Variants in NDST4 observed in about 807,000 individuals in gnomAD.
NDST4 encodes the protein N-heparan sulfate sulfotransferase 4.
A neutral mutation model predicts 100.8 loss-of-function variants in NDST4; 63 were observed. The observed-to-expected ratio is 0.62, with a 90% CI of 0.51 to 0.77. The LOEUF (loss-of-function observed/expected upper bound fraction) is 0.77. Among genes scored for constraint, NDST4 ranks in the 30% least tolerant of loss-of-function variants. The pLI is 0.00. For synonymous variants in NDST4, 377 were observed against 361.8 expected (o/e 1.04, Z -0.48); for missense variants, 943 against 1,018.4 (o/e 0.93, Z 1.01).
chr4:114,933,327 A>AT (rs1284674696), intron 6 of NDST4, among the ~76,000 whole-genome samples: 4 of 152,052 alleles, frequency 2.6e-5, no homozygotes, highest in Non-Finnish European at 5.9e-5. Context: ...TCAACTCAAA[A>AT]TGGACTAAAG....
At chr4:115,097,088 A>G (rs1268943914) in intron 1 of NDST4, among the ~76,000 whole-genome samples, 3 of 151,892 alleles carry the variant, frequency 2.0e-5, no homozygotes, top group African/African-American at 4.8e-5. Context: ...CTTAATCCTT[A>G]CCTTCTAAAT....
At chr4:115,109,470 A>G (rs1261257794) in intron 1 of NDST4, among the ~76,000 whole-genome samples, 2 of 151,982 alleles carry the variant, frequency 1.3e-5, no homozygotes, top group Non-Finnish European at 2.9e-5. Context: ...TGCTTTCTTC[A>G]TTGAACTCTT....
At position 114,870,909 on chromosome 4, in the gene NDST4, G is replaced by T; in HGVS notation, c.1578C>A (p.Asp526Glu). The change falls in exon 7 of 14, where the codon GAC (aspartate) becomes GAA (glutamate). Residue 526 changes from aspartate to glutamate, a missense_variant. By Grantham distance (45) the Asp-to-Glu change is conservative. Transcript: ENST00000264363. ...TCACAAAGGTATATAACCCTAGGCG[G>T]TCATTTCCATAGTTTGATAAATGGG... The part of the protein sequence containing the change: ...FMTHLSNYGN[D>E]RLGLYTFVNL... 2.5e-6 allele frequency: 4 copies of T among 1,609,796 alleles called. No individual in the cohort carries two copies. The highest frequency in any genetic ancestry group is 3.4e-6 in the Non-Finnish European group (4 of 1,178,162).
At chr4:114,983,476 T>C (rs191826129) in intron 2 of NDST4, among the ~76,000 whole-genome samples, 2 of 152,318 alleles carry the variant, frequency 1.3e-5, no homozygotes. Context: ...GGTTTCAGAC[T>C]TGCACAGGGC....
rs759884571 is a variant in NDST4, at chr4:114,839,504, G to A, written c.2160C>T (p.Phe720=). The A allele has an allele frequency of 5.0e-6, 8 of 1,613,842 alleles. No homozygotes were observed. In the South Asian group the frequency reaches 7.7e-5, roughly 16 times the overall value. The change falls in exon 11 of 14, where the codon TTC becomes TTT. Residue 720 remains phenylalanine (F), a synonymous_variant. Coordinates refer to ENST00000264363, the MANE Select transcript of NDST4 (RefSeq NM_022569.3). ...HEDPAALRFN[F]YEVISTGHWA... is the part of the protein sequence containing the mutation. ...AATGTCCTGTTGAAATAACTTCATA[G>A]AAATTGAACCTCAGAGCAGCTGGAT...
chr4:114,835,261 T>C (rs1723284733), intron 11 of NDST4, among the ~76,000 whole-genome samples: 1 of 152,246 alleles, frequency 6.6e-6, no homozygotes, highest in African/African-American at 2.4e-5. Flanking sequence ...TTTAGTGGTA[T>C]AAATTTCTCT....
At position 115,027,373 on chromosome 4, in the gene NDST4, T is replaced by C. The variant is rs115930012; in HGVS notation, c.978+48686A>G. Among the ~76,000 whole-genome samples the C allele has an allele frequency of 3.6e-3, 542 of 152,290 alleles. 3 individuals are homozygous for C. Among genetic ancestry groups the C allele is most frequent in the African/African-American group, 0.013 (530 of 41,580 alleles). On this transcript the variant is annotated intron_variant, in intron 2 of 13. Transcript: ENST00000264363. ...TTTCTAGATTTCTGGGTGAGATCAT[T>C]GTATCTCAACACTTATGGAGTGTAT...
intron 1 of NDST4, among the ~76,000 whole-genome samples, chr4:115,083,645 G>T (rs1391577744): frequency 6.6e-6 from 1 of 152,096 alleles, no homozygotes; most frequent in Admixed American, 6.6e-5. Flanking sequence ...CCCATGTGTT[G>T]TAGGAGGGAC....
intron 6 of NDST4, among the ~76,000 whole-genome samples, chr4:114,912,056 C>T (rs1165253577): frequency 6.6e-6 from 1 of 152,138 alleles, no homozygotes; most frequent in African/African-American, 2.4e-5. Flanking sequence ...AGCTTTCTAA[C>T]ATCCAAAATG....
chr4:115,051,991 A>G (rs916939299), intron 2 of NDST4, among the ~76,000 whole-genome samples: 1 of 152,132 alleles, frequency 6.6e-6, no homozygotes, highest in Non-Finnish European at 1.5e-5. Context: ...AGGTAAGATG[A>G]TATATCATTG....
At chr4:115,015,574 A>G (rs1727658763) in intron 2 of NDST4, among the ~76,000 whole-genome samples, 1 of 152,100 alleles carries the variant, frequency 6.6e-6, no homozygotes, top group South Asian at 2.1e-4. Context: ...GTACGTGCAT[A>G]ATTCTGTCTT....
intron 7 of NDST4, among the ~76,000 whole-genome samples, chr4:114,864,967 A>T (rs1218301045): frequency 6.6e-6 from 1 of 152,194 alleles, no homozygotes; most frequent in Admixed American, 6.5e-5. Flanking sequence ...ATGTTTATTT[A>T]AGTAAGTTAA....
intron 4 of NDST4, among the ~76,000 whole-genome samples, chr4:114,949,721 T>G (rs1404588378): frequency 6.6e-6 from 1 of 152,100 alleles, no homozygotes; most frequent in Non-Finnish European, 1.5e-5. Context: ...TGCTTTCATC[T>G]GATTGGCCAG....
At chr4:114,891,242 C>T (rs893178051) in intron 6 of NDST4, among the ~76,000 whole-genome samples, 2 of 152,016 alleles carry the variant, frequency 1.3e-5, no homozygotes, top group African/African-American at 4.8e-5. Flanking sequence ...ATAACATTTT[C>T]CTTTTATTTT....
chr4:114,884,701 C>T (rs148709530), intron 6 of NDST4, among the ~76,000 whole-genome samples: 1,600 of 152,202 alleles, frequency 0.011, 15 homozygotes, highest in African/African-American at 0.017. Context: ...CATTTGAAAA[C>T]GCATTTTTTG....
At chr4:114,970,945 T>C (rs1008778860) in intron 3 of NDST4, among the ~76,000 whole-genome samples, 2 of 152,144 alleles carry the variant, frequency 1.3e-5, no homozygotes, top group African/African-American at 2.4e-5. Flanking sequence ...AAATTTTAAC[T>C]CATAACATTT....
intron 2 of NDST4, among the ~76,000 whole-genome samples, chr4:115,035,507 TA>T (rs1169935099): frequency 5.3e-5 from 8 of 151,952 alleles, no homozygotes; most frequent in East Asian, 1.9e-4. Context: ...GTAGGAATAA[TA>T]AAAAAAGGCA....
intron 2 of NDST4, among the ~76,000 whole-genome samples, chr4:114,986,632 G>T (rs1331355240): frequency 6.6e-6 from 1 of 151,402 alleles, no homozygotes; most frequent in Non-Finnish European, 1.5e-5. Context: ...CTCTTCCTCT[G>T]GTTTCTGTTT....
chr4:114,864,822 TG>T (rs1723991305), intron 7 of NDST4, among the ~76,000 whole-genome samples: 1 of 152,172 alleles, frequency 6.6e-6, no homozygotes, highest in Admixed American at 6.5e-5. Context: ...TGCCAACCTC[TG>T]GGGGTAGGAC....
Sources: gnomAD v4.1 joint callset for allele counts (sites outside exome capture counted in the v4.1 genomes callset) on GRCh38, gnomAD v4.1.1 for gene constraint, MANE v1.5 for transcripts, NCBI Gene and HGNC (gene_info 2026-07-23, HGNC 2026-07-21) for gene names.